TRPM3: variants seen among roughly 807,000 people sequenced by gnomAD.
TRPM3 encodes long transient receptor potential channel 3.
Under a neutral mutation model 181.2 loss-of-function variants are expected in TRPM3, and 77 were observed. The observed-to-expected ratio is 0.42, with a 90% confidence interval of 0.35 to 0.51. The LOEUF is 0.51. Ranked by LOEUF, TRPM3 falls within the 20% of genes least tolerant of loss-of-function variation. The pLI is 0.01. For synonymous variants in TRPM3, 745 were observed against 796.4 expected, an observed-to-expected ratio of 0.94 and a Z score of 1.09; for missense variants, 1,759 against 2,196.7, an observed-to-expected ratio of 0.80 and a Z score of 3.98.
intron 1 of TRPM3, among the ~76,000 whole-genome samples, chr9:71,359,836 C>G (rs906576390): frequency 6.6e-6 from 1 of 151,872 alleles, no homozygotes; most frequent in Non-Finnish European, 1.5e-5. Context: ...CAATAAAATG[C>G]GAATAATGAG....
At chr9:71,112,104 C>T (rs943749442) in intron 1 of TRPM3, among the ~76,000 whole-genome samples, 1 of 152,172 alleles carries the variant, frequency 6.6e-6, no homozygotes, top group African/African-American at 2.4e-5. Flanking sequence ...ACAGTTATCT[C>T]TAGACATTTT....
Position 70,536,430 on chromosome 9 carries a change from G to A in TRPM3, c.4683C>T (p.Asp1561=), listed in dbSNP as rs935585633. Residue 1561 remains aspartate, a synonymous_variant, in exon 26 of 26, where the codon GAC becomes GAT. Coordinates refer to ENST00000677713, the MANE Select transcript of TRPM3 (RefSeq NM_001366145.2). ...VKTAEYTSIT[D]CIDTRCVNAP... ...CATTGACACACCTTGTGTCAATACA[G>A]TCTGTAATACTTGTGTATTCTGCTG... The A allele has an allele frequency of 1.9e-6, 3 of 1,614,072 alleles. No individual in the cohort carries two copies. Among genetic ancestry groups the A allele is most frequent in the Non-Finnish European group, 2.5e-6 (3 of 1,180,048 alleles).
intron 1 of TRPM3, among the ~76,000 whole-genome samples, chr9:71,314,450 T>C (rs2088343492): frequency 6.6e-6 from 1 of 152,182 alleles, no homozygotes; most frequent in African/African-American, 2.4e-5. Flanking sequence ...AAGTTTCTTT[T>C]AAAATTGGGA....
intron 9 of TRPM3, among the ~76,000 whole-genome samples, chr9:70,646,831 T>A (rs1159426642): frequency 7.8e-6 from 1 of 128,414 alleles, no homozygotes; most frequent in African/African-American, 2.9e-5. Context: ...ATAAACACAA[T>A]CAGAAATGAC....
At chr9:70,756,156 A>T (rs1486149109) in intron 8 of TRPM3, among the ~76,000 whole-genome samples, 1 of 152,098 alleles carries the variant, frequency 6.6e-6, no homozygotes. Flanking sequence ...ACAAAACAAA[A>T]ACAAACAAAA....
intron 5 of TRPM3, among the ~76,000 whole-genome samples, chr9:70,836,026 C>T (rs559959339): frequency 6.6e-6 from 1 of 152,216 alleles, no homozygotes; most frequent in South Asian, 2.1e-4. Context: ...TGACAGTGAG[C>T]TCTACAGAAA....
intron 1 of TRPM3, among the ~76,000 whole-genome samples, chr9:70,907,812 T>G (rs1356372643): frequency 6.6e-6 from 1 of 152,210 alleles, no homozygotes; most frequent in African/African-American, 2.4e-5. Context: ...GGTATTTGGT[T>G]TTCTGTTTCT....
rs17056712 is a variant in TRPM3 at position 71,327,304 on chromosome 9, T to C, written c.183+119349A>G. On this transcript the variant is annotated intron_variant, in intron 1 of 24. Transcript: ENST00000357533. Reference sequence around the variant, plus strand: ...AAGCAATGAACGACTGCCAATGCCATTGTGCTAGTGACTTAATGTGCTGGT... The same window carrying C: ...AAGCAATGAACGACTGCCAATGCCACTGTGCTAGTGACTTAATGTGCTGGT... Among the ~76,000 whole-genome samples the C allele has an allele frequency of 9.2e-3, 1,394 of 152,302 alleles. 14 individuals carry two copies. Among genetic ancestry groups the C allele is most frequent in the African/African-American group, 0.029 (1,186 of 41,550 alleles).
intron 1 of TRPM3, among the ~76,000 whole-genome samples, chr9:71,229,848 G>T (rs2080933229): frequency 6.6e-6 from 1 of 152,064 alleles, no homozygotes; most frequent in South Asian, 2.1e-4. Context: ...ATGTAAATTA[G>T]TACAATCACT....
intron 1 of TRPM3, among the ~76,000 whole-genome samples, chr9:71,055,890 AT>A (rs921958428): frequency 6.6e-6 from 1 of 152,030 alleles, no homozygotes; most frequent in Non-Finnish European, 1.5e-5. Context: ...CCAGCCCAAC[AT>A]CTAGAAATCC....
intron 1 of TRPM3, among the ~76,000 whole-genome samples, chr9:71,196,821 A>G (rs1378939448): frequency 6.6e-6 from 1 of 151,976 alleles, no homozygotes; most frequent in African/African-American, 2.4e-5. Flanking sequence ...CTGCTCCACA[A>G]AACTGTTTGC....
chr9:70,867,076 G>A (rs1174370561), intron 1 of TRPM3, among the ~76,000 whole-genome samples: 1 of 152,034 alleles, frequency 6.6e-6, no homozygotes, highest in Admixed American at 6.6e-5. Context: ...CCAGAGACAG[G>A]TCTTGGAACC....
rs1434531378 is a variant in TRPM3 at position 70,620,228 on chromosome 9, C to T, written c.1977G>A (p.Lys659=). The T allele has an allele frequency of 6.2e-7, 1 of 1,614,216 alleles. No individual in the cohort carries two copies. The highest frequency in any genetic ancestry group is 1.7e-5 in the Admixed American group (1 of 60,026). Residue 659 remains lysine, a synonymous_variant, in exon 16 of 26, where the codon AAG becomes AAA. Coordinates refer to ENST00000677713, the MANE Select transcript of TRPM3 (RefSeq NM_001366145.2). ...HELMVWAVLM[K]RQKMALFFWQ... ...AGAAGAACAGGGCCATCTTCTGCCG[C>T]TTCATGAGAACAGCCCACACCATGA...
At chr9:70,835,407 T>A (rs960863339) in intron 5 of TRPM3, among the ~76,000 whole-genome samples, 3 of 152,120 alleles carry the variant, frequency 2.0e-5, no homozygotes, top group Non-Finnish European at 4.4e-5. Context: ...TGTGTCTTCT[T>A]CCCTTTATTC....
intron 1 of TRPM3, among the ~76,000 whole-genome samples, chr9:70,931,563 AAAAGTT>A (rs773885155): frequency 7.2e-5 from 11 of 152,146 alleles, no homozygotes; most frequent in Non-Finnish European, 1.3e-4. Context: ...TTAAAGAAGT[AAAAGTT>A]AGAATTGATC....
intron 1 of TRPM3, among the ~76,000 whole-genome samples, chr9:71,218,728 AG>A (rs1210152230): frequency 2.6e-5 from 4 of 152,230 alleles, no homozygotes; most frequent in Admixed American, 2.6e-4. Flanking sequence ...TTGCCTAAAG[AG>A]CAAAAATATT....
intron 7 of TRPM3, among the ~76,000 whole-genome samples, chr9:70,762,870 T>C (rs540716234): frequency 6.6e-6 from 1 of 152,328 alleles, no homozygotes; most frequent in East Asian, 1.9e-4. Flanking sequence ...ATGTTGCCTC[T>C]GTTTACACCA....
chr9:70,779,814 C>A (rs544324297), intron 7 of TRPM3, among the ~76,000 whole-genome samples: 10 of 152,120 alleles, frequency 6.6e-5, no homozygotes, highest in Middle Eastern at 3.4e-3. Context: ...CGGAAAGTGA[C>A]AATTTTCATT....
intron 1 of TRPM3, among the ~76,000 whole-genome samples, chr9:71,398,087 T>G (rs1019789497): frequency 1.3e-5 from 2 of 152,220 alleles, no homozygotes; most frequent in African/African-American, 4.8e-5. Context: ...AGTAAGCTAA[T>G]CAGCCCCATG....
Sources: gnomAD v4.1 joint callset for allele counts (sites outside exome capture counted in the v4.1 genomes callset) on GRCh38, gnomAD v4.1.1 for gene constraint, MANE v1.5 for transcripts, NCBI Gene and HGNC (gene_info 2026-07-23, HGNC 2026-07-21) for gene names.